The following FOXP1 variants were observed in gnomAD, a reference collection of about 807,000 sequenced individuals.
The protein encoded by FOXP1 is forkhead box P1.
FOXP1 carries 15 observed loss-of-function variants against 98.2 expected under a neutral mutation model. That is an observed-to-expected ratio of 0.15 (90% confidence interval 0.10 to 0.24). FOXP1 has a LOEUF of 0.24. FOXP1 is among the 10% of genes least tolerant of loss of function. The pLI, the probability that FOXP1 is intolerant of heterozygous loss-of-function variation, is 1.00. For synonymous variants in FOXP1, 371 were observed against 314.5 expected (o/e 1.18, Z -1.90); for missense variants, 633 against 848.5 (o/e 0.75, Z 3.15).
intron 5 of FOXP1, among the ~76,000 whole-genome samples, chr3:71,285,909 C>A (rs1254359031): frequency 2.0e-5 from 3 of 152,168 alleles, no homozygotes; most frequent in African/African-American, 7.2e-5. Context: ...CCTTGGTCCT[C>A]TCTGAATCTA....
At chr3:71,142,964 G>A (rs929247797) in intron 6 of FOXP1, among the ~76,000 whole-genome samples, 1 of 151,392 alleles carries the variant, frequency 6.6e-6, no homozygotes, top group African/African-American at 2.4e-5. Flanking sequence ...AGGAAAGAAA[G>A]GGCAGGGCAG....
chr3:71,118,746 G>GAAAAAAAT (rs1422701940), intron 6 of FOXP1, among the ~76,000 whole-genome samples: 2 of 152,000 alleles, frequency 1.3e-5, no homozygotes, highest in East Asian at 3.8e-4. Flanking sequence ...AAATGGTTGA[G>GAAAAAAAT]AAAAAAATAA....
intron 3 of FOXP1, among the ~76,000 whole-genome samples, chr3:71,424,836 T>C (rs11917612): frequency 0.63 from 95,981 of 151,988 alleles, 31,757 homozygotes; most frequent in Non-Finnish European, 0.73. Context: ...ATGTTCCCAT[T>C]GGAGAAGCCA....
Position 71,114,881 on chromosome 3 carries a change from T to C in FOXP1, c.181-2244A>G, listed in dbSNP as rs563679722. On this transcript the variant is annotated intron_variant, in intron 6 of 20. Coordinates refer to ENST00000649528, the MANE Select transcript of FOXP1 (RefSeq NM_001349338.3). ...TGTCTCCTTGGAGACGCTCAGTACA[T>C]GCGTAGGTGTAAAAGTGGGCAGAGT... Among the ~76,000 whole-genome samples, 16 of 152,294 alleles carry C rather than the reference T, an allele frequency of 1.1e-4. No individual in the cohort carries two copies. In the South Asian group the frequency reaches 2.5e-3, roughly 24 times the overall value.
chr3:71,362,956 G>C (rs1187862668), intron 3 of FOXP1, among the ~76,000 whole-genome samples: 2 of 152,042 alleles, frequency 1.3e-5, no homozygotes, highest in African/African-American at 4.8e-5. Flanking sequence ...GTCTTAAAAA[G>C]TGTTTTTTAA....
chr3:70,997,909 A>C (rs2041610657), intron 13 of FOXP1, among the ~76,000 whole-genome samples: 1 of 152,202 alleles, frequency 6.6e-6, no homozygotes, highest in South Asian at 2.1e-4. Flanking sequence ...GCATGGATGA[A>C]AGAATGAATT....
At chr3:71,254,990 G>A (rs1482844566) in intron 5 of FOXP1, among the ~76,000 whole-genome samples, 1 of 152,182 alleles carries the variant, frequency 6.6e-6, no homozygotes, top group African/African-American at 2.4e-5. Flanking sequence ...CCACCTCACA[G>A]CAATAACCAA....
intron 6 of FOXP1, among the ~76,000 whole-genome samples, chr3:71,190,094 T>C (rs2062873130): frequency 6.6e-6 from 1 of 152,212 alleles, no homozygotes; most frequent in Non-Finnish European, 1.5e-5. Flanking sequence ...TTACTTTTAA[T>C]ACACCACCTC....
chr3:71,115,159 G>A (rs1353928162), intron 6 of FOXP1, among the ~76,000 whole-genome samples: 1 of 151,922 alleles, frequency 6.6e-6, no homozygotes, highest in East Asian at 1.9e-4. Context: ...AGATGACAGT[G>A]CAGAGAAAAA....
At chr3:71,181,632 G>A (rs73839426) in intron 6 of FOXP1, among the ~76,000 whole-genome samples, 2,077 of 152,256 alleles carry the variant, frequency 0.014, 50 homozygotes, top group African/African-American at 0.047. Context: ...ACATGAAATG[G>A]GGTAAGCAAC....
chr3:71,004,224 T>C (rs910751561), intron 12 of FOXP1, among the ~76,000 whole-genome samples: 1 of 151,862 alleles, frequency 6.6e-6, no homozygotes, highest in Non-Finnish European at 1.5e-5. Context: ...ACGGCTACCA[T>C]ACACTGGATA....
intron 7 of FOXP1, among the ~76,000 whole-genome samples, chr3:71,086,257 C>T (rs2055086232): frequency 6.6e-6 from 1 of 152,136 alleles, no homozygotes; most frequent in African/African-American, 2.4e-5. Context: ...TGGCCTTGCC[C>T]ATGTTTTGTC....
At chr3:71,351,915 A>C (rs2077807356) in intron 4 of FOXP1, among the ~76,000 whole-genome samples, 1 of 152,228 alleles carries the variant, frequency 6.6e-6, no homozygotes. Context: ...AGATAGAAGA[A>C]TGGCAATTAA....
intron 2 of FOXP1, among the ~76,000 whole-genome samples, chr3:71,579,374 T>C (rs2047970588): frequency 6.6e-6 from 1 of 152,148 alleles, no homozygotes; most frequent in Non-Finnish European, 1.5e-5. Context: ...TTGATAAACC[T>C]GTGAAAACAA....
chr3:71,413,395 T>C (rs1445989459), intron 3 of FOXP1, among the ~76,000 whole-genome samples: 3 of 150,974 alleles, frequency 2.0e-5, no homozygotes, highest in African/African-American at 7.3e-5. Context: ...CCTACATTAA[T>C]GATAGAGCAG....
intron 6 of FOXP1, among the ~76,000 whole-genome samples, chr3:71,135,331 G>A (rs979930344): frequency 3.3e-5 from 5 of 151,690 alleles, no homozygotes; most frequent in Non-Finnish European, 7.4e-5. Flanking sequence ...AAGGAGGGGG[G>A]ACCAAAAGGA....
chr3:71,294,597 T>A (rs189150543), intron 5 of FOXP1, among the ~76,000 whole-genome samples: 1 of 152,164 alleles, frequency 6.6e-6, no homozygotes, highest in African/African-American at 2.4e-5. Flanking sequence ...AGAATTAATA[T>A]ATGTATGTAT....
chr3:71,510,022 T>C (rs1266595855), intron 2 of FOXP1, among the ~76,000 whole-genome samples: 2 of 151,616 alleles, frequency 1.3e-5, no homozygotes, highest in African/African-American at 2.4e-5. Context: ...CTACTAAAAA[T>C]ACAAAAATTA....
chr3:71,511,708 G>C (rs1434929693), intron 2 of FOXP1, among the ~76,000 whole-genome samples: 1 of 152,006 alleles, frequency 6.6e-6, no homozygotes, highest in Non-Finnish European at 1.5e-5. Context: ...CCTACATAAT[G>C]ATCACTTATA....
Sources: gnomAD v4.1 joint callset for allele counts (sites outside exome capture counted in the v4.1 genomes callset) on GRCh38, gnomAD v4.1.1 for gene constraint, MANE v1.5 for transcripts, NCBI Gene and HGNC (gene_info 2026-07-23, HGNC 2026-07-21) for gene names.